The following SSX2IP variants were observed in gnomAD, a reference collection of about 807,000 sequenced individuals.
SSX2IP encodes the protein SSX family member 2 interacting protein, also known as afadin- and alpha-actinin-binding protein.
SSX2IP carries 55 observed loss-of-function variants against 84.9 expected under a neutral mutation model. The ratio of observed to expected loss-of-function variants is 0.65; its 90% confidence interval spans 0.52 to 0.81. The LOEUF (loss-of-function observed/expected upper bound fraction) is 0.81. Ranked by LOEUF, SSX2IP falls within the 30% of genes least tolerant of loss-of-function variation. The pLI, the probability that SSX2IP is intolerant of heterozygous loss-of-function variation, is 0.00. For missense variants in SSX2IP, 664 were observed against 705.2 expected, an observed-to-expected ratio of 0.94 and a Z score of 0.66; for synonymous variants, 239 against 234.7, an observed-to-expected ratio of 1.02 and a Z score of -0.17.
At chr1:84,670,096 G>A (rs1343309944) in intron 3 of SSX2IP, 1 of 469,608 alleles carries the variant, frequency 2.1e-6, no homozygotes, top group Non-Finnish European at 3.8e-6. Flanking sequence ...AAGTATGGGA[G>A]GTATGCACAC....
chr1:84,649,534 C>G (rs1334241644), intron 13 of SSX2IP: 3 of 153,698 alleles, frequency 2.0e-5, no homozygotes, highest in Non-Finnish European at 4.3e-5. Context: ...CAAGGGCCAG[C>G]TGGCTTCTTC....
intron 1 of SSX2IP, among the ~76,000 whole-genome samples, chr1:84,682,768 TGGG>T: frequency 6.6e-6 from 1 of 152,314 alleles, no homozygotes; most frequent in African/African-American, 2.4e-5. Context: ...TCCAAAATGC[TGGG>T]ATTACAGGTG....
Position 84,645,486 on chromosome 1 carries a change from T to G in SSX2IP, c.*1947A>C, listed in dbSNP as rs1002167989. 2 of 152,216 alleles carry G rather than the reference T, an allele frequency of 1.3e-5. No homozygotes were observed. The highest frequency in any genetic ancestry group is 4.8e-5 in the African/African-American group (2 of 41,452). The allele number at this position is 152,216 out of a possible 1,614,324, so 9.4% of individuals were successfully genotyped here. ...TCCAATTTGAGAACTCAACTCACTT[T>G]AAAATGGAAACACGCAACAAAAAAC... On this transcript the variant is annotated 3_prime_UTR_variant, in exon 14 of 14. Coordinates refer to ENST00000342203, the MANE Select transcript of SSX2IP (RefSeq NM_001166293.2).
At chr1:84,688,966 C>G (rs1183026312) in intron 1 of SSX2IP, among the ~76,000 whole-genome samples, 1 of 152,178 alleles carries the variant, frequency 6.6e-6, no homozygotes, top group Non-Finnish European at 1.5e-5. Flanking sequence ...ACCCTCTTCT[C>G]AAAGAACCGT....
intron 3 of SSX2IP, 77 bp downstream of exon 3, chr1:84,670,569 A>G: frequency 9.3e-7 from 1 of 1,076,504 alleles, no homozygotes; most frequent in East Asian, 2.6e-5. Context: ...GTGTTTGACA[A>G]ATGTTTTTCT....
At chr1:84,648,910 T>C (rs1217422677) in intron 13 of SSX2IP, among the ~76,000 whole-genome samples, 2 of 152,240 alleles carry the variant, frequency 1.3e-5, no homozygotes, top group Non-Finnish European at 2.9e-5. Flanking sequence ...CCAATTACCA[T>C]TGTCTTTCGT....
chr1:84,650,600 A>C, intron 12 of SSX2IP, 73 bp from the exon 13 acceptor site: 13 of 1,462,470 alleles, frequency 8.9e-6, no homozygotes, highest in East Asian at 2.3e-5. Context: ...GTAAATCATC[A>C]GGATGATTCA....
intron 11 of SSX2IP, among the ~76,000 whole-genome samples, chr1:84,654,613 A>G (rs1650801270): frequency 6.6e-6 from 1 of 152,196 alleles, no homozygotes; most frequent in South Asian, 2.1e-4. Context: ...CTGATTCAGG[A>G]AATCACAAAG....
intron 1 of SSX2IP, among the ~76,000 whole-genome samples, chr1:84,688,587 G>C (rs1656125794): frequency 1.3e-5 from 2 of 152,222 alleles, no homozygotes; most frequent in Admixed American, 1.3e-4. Context: ...CCAAAAAGCA[G>C]ACTGTCAAGT....
chr1:84,659,582 G>A (rs1410561913), intron 8 of SSX2IP, among the ~76,000 whole-genome samples: 1 of 152,032 alleles, frequency 6.6e-6, no homozygotes, highest in African/African-American at 2.4e-5. Flanking sequence ...GGTGGATCAT[G>A]AGGTCAAGAG....
At chr1:84,664,946 G>C (rs879703977) in intron 5 of SSX2IP, among the ~76,000 whole-genome samples, 9 of 152,130 alleles carry the variant, frequency 5.9e-5, no homozygotes, top group Non-Finnish European at 1.2e-4. Flanking sequence ...GTGACAAAGT[G>C]AATTAAGCCT....
At chr1:84,659,715 T>C (rs1205636371) in intron 8 of SSX2IP, among the ~76,000 whole-genome samples, 1 of 151,314 alleles carries the variant, frequency 6.6e-6, no homozygotes, top group Non-Finnish European at 1.5e-5. Context: ...GGAGAATCAC[T>C]TGAACCCGGG....
intron 1 of SSX2IP, among the ~76,000 whole-genome samples, chr1:84,673,908 C>G (rs1219793179): frequency 1.3e-5 from 2 of 152,148 alleles, no homozygotes; most frequent in Non-Finnish European, 2.9e-5. Context: ...TGCCACTTTT[C>G]TACTCATGTG....
In SSX2IP at chr1:84,655,913, C is replaced by T. The variant is rs1651023558; in HGVS notation, c.1308G>A (p.Trp436Ter). The change falls in exon 11 of 14, where the codon TGG becomes TGA. Residue 436 changes from tryptophan (W) to a stop codon, truncating the protein, a stop_gained. Transcript: ENST00000342203. LOFTEE classifies it high-confidence loss of function. ...TCTTTTTCTGCTCTTTAAAAAGGGA[C>T]CATTCTTCTTTGAGACGTTCCTTTT... is the stretch of plus-strand genomic sequence containing the variant. ...LEEKERLKEE[W>*]SLFKEQKKNF... 6.2e-7 allele frequency: 1 copy of T among 1,613,832 alleles called. No individual in the cohort carries two copies. Among genetic ancestry groups the T allele is most frequent in the South Asian group, 1.1e-5 (1 of 91,074 alleles).
intron 1 of SSX2IP, among the ~76,000 whole-genome samples, chr1:84,682,674 T>C (rs754753597): frequency 6.6e-6 from 1 of 152,062 alleles, no homozygotes; most frequent in Non-Finnish European, 1.5e-5. Context: ...CTGCTAATTT[T>C]TGTATTTTTA....
At chr1:84,686,155 TTAAA>T (rs1321733902) in intron 1 of SSX2IP, among the ~76,000 whole-genome samples, 8 of 151,568 alleles carry the variant, frequency 5.3e-5, no homozygotes, top group African/African-American at 1.4e-4. Flanking sequence ...ATGAAGTAAC[TTAAA>T]TACTTTTTTG....
Position 84,671,157 on chromosome 1 carries a change from A to G in SSX2IP, c.43+20T>C. 6.2e-7 allele frequency: 1 copy of G among 1,605,416 alleles called. No individual in the cohort carries two copies. Among genetic ancestry groups the G allele is most frequent in the East Asian group, 2.2e-5 (1 of 44,594 alleles). On this transcript the variant is annotated intron_variant, in intron 2 of 13. Transcript: ENST00000342203. ...CTTTACAGTTTCTGCTTTTGTTTAC[A>G]ATTATTTAGACTTAATTACCTGAAG...
At chr1:84,648,709 C>T (rs569796946) in intron 13 of SSX2IP, among the ~76,000 whole-genome samples, 1 of 152,314 alleles carries the variant, frequency 6.6e-6, no homozygotes, top group South Asian at 2.1e-4. Context: ...TATATCTATA[C>T]AGATAGTTCT....
chr1:84,686,177 T>C (rs1244955121), intron 1 of SSX2IP, among the ~76,000 whole-genome samples: 4 of 152,208 alleles, frequency 2.6e-5, no homozygotes, highest in Admixed American at 1.3e-4. Context: ...TTGCTTTTTA[T>C]CTTAATTTTT....
Sources: allele counts gnomAD v4.1 joint callset (sites outside exome capture counted in the v4.1 genomes callset), GRCh38; gene constraint gnomAD v4.1.1; transcripts MANE v1.5; gene names NCBI Gene and HGNC (gene_info 2026-07-23, HGNC 2026-07-21).